Variants in OCIAD1 observed in about 807,000 individuals in gnomAD.
OCIAD1 encodes OCIA domain-containing protein 1.
Under a neutral mutation model 38.9 loss-of-function variants are expected in OCIAD1, and 29 were observed. The observed-to-expected ratio is 0.74, with a 90% CI of 0.55 to 1.02. The LOEUF is 1.02. OCIAD1 is among the 50% of genes least tolerant of loss of function. The pLI, the probability that OCIAD1 is intolerant of heterozygous loss-of-function variation, is 0.00. For missense variants in OCIAD1, 288 were observed against 289.6 expected (o/e 0.99, Z 0.04); for synonymous variants, 110 against 92.0 (o/e 1.20, Z -1.12).
chr4:48,816,307 C>T (rs935709776), intron 1 of OCIAD1, among the ~76,000 whole-genome samples: 16 of 152,114 alleles, frequency 1.1e-4, no homozygotes, highest in African/African-American at 2.7e-4. Context: ...ATCTATATAG[C>T]GCTTAGTTGA....
chr4:48,821,850 C>T (rs1189071212), intron 1 of OCIAD1, among the ~76,000 whole-genome samples: 3 of 152,072 alleles, frequency 2.0e-5, no homozygotes, highest in African/African-American at 4.8e-5. Flanking sequence ...ATGTGAAGGA[C>T]CTCTTCAAGG....
At chr4:48,847,950 T>A (rs916215294) in intron 4 of OCIAD1, among the ~76,000 whole-genome samples, 4 of 152,198 alleles carry the variant, frequency 2.6e-5, no homozygotes, top group Admixed American at 2.0e-4. Flanking sequence ...AGAATTGCCA[T>A]CTTTAGAATA....
At chr4:48,859,690 G>A (rs2109636202) in intron 8 of OCIAD1, among the ~76,000 whole-genome samples, 1 of 152,278 alleles carries the variant, frequency 6.6e-6, no homozygotes, top group Admixed American at 6.5e-5. Context: ...GACTTGTTAT[G>A]AAATAGTTTC....
Position 48,813,816 on chromosome 4 carries a change from C to G in OCIAD1, c.-103+8486C>G, listed in dbSNP as rs112405239. Reference sequence around the variant, plus strand: ...TTTAAAAACTTTTTTTCATGTGACACTTTTTCTTAAGAGGAGCTCGTGAAT... The same window carrying G: ...TTTAAAAACTTTTTTTCATGTGACAGTTTTTCTTAAGAGGAGCTCGTGAAT... On this transcript the variant is annotated intron_variant, in intron 1 of 6. Transcript: ENST00000504654. Among the ~76,000 whole-genome samples, 1,008 of 152,240 alleles carry G rather than the reference C, an allele frequency of 6.6e-3. 7 individuals carry two copies. The highest frequency in any genetic ancestry group is 0.012 in the Non-Finnish European group (787 of 68,010).
intron 1 of OCIAD1, among the ~76,000 whole-genome samples, chr4:48,815,853 T>C (rs564716636): frequency 6.6e-6 from 1 of 152,328 alleles, no homozygotes; most frequent in African/African-American, 2.4e-5. Flanking sequence ...TTCCACCATC[T>C]AGTCAACATC....
chr4:48,820,698 A>G (rs1223327649), intron 1 of OCIAD1, among the ~76,000 whole-genome samples: 1 of 152,188 alleles, frequency 6.6e-6, no homozygotes, highest in Non-Finnish European at 1.5e-5. Flanking sequence ...TAGACACAAT[A>G]AAAAATGATA....
chr4:48,832,880 T>G (rs1777645186), intron 2 of OCIAD1, 198 bp downstream of exon 2: 6 of 567,702 alleles, frequency 1.1e-5, no homozygotes, highest in South Asian at 1.0e-4. Context: ...TATTTTGCAC[T>G]GGGCCCAGCA....
chr4:48,805,347 C>T (rs776415469), intron 1 of OCIAD1: 1 of 152,154 alleles, frequency 6.6e-6, no homozygotes, highest in Non-Finnish European at 1.5e-5. Context: ...GACCCTGAGC[C>T]GAACCACACA....
intron 4 of OCIAD1, among the ~76,000 whole-genome samples, chr4:48,845,805 A>G (rs1226861889): frequency 2.0e-5 from 3 of 152,216 alleles, no homozygotes; most frequent in Admixed American, 2.0e-4. Flanking sequence ...GCCTTGTCCA[A>G]TTAATGTCTT....
At chr4:48,855,276 T>C (rs1779921266) in intron 7 of OCIAD1, among the ~76,000 whole-genome samples, 1 of 152,208 alleles carries the variant, frequency 6.6e-6, no homozygotes, top group Non-Finnish European at 1.5e-5. Context: ...GTACACACGA[T>C]TTCCTTCAGA....
Position 48,849,972 on chromosome 4 carries a change from T to C in OCIAD1, c.267T>C (p.Ala89=). Reference sequence around the variant, plus strand: ...TTGCTTGTATCATGGGATACTTTGCTGGAAAACTTTCTTATGTGAAAACTT... The same window carrying C: ...TTGCTTGTATCATGGGATACTTTGCCGGAAAACTTTCTTATGTGAAAACTT... ...LILACIMGYF[A]GKLSYVKTCQ... is the part of the protein sequence containing the mutation. The change falls in exon 6 of 9, where the codon GCT becomes GCC. Residue 89 remains alanine, a synonymous_variant. Coordinates refer to ENST00000264312, the MANE Select transcript of OCIAD1 (RefSeq NM_017830.4). 6.2e-7 allele frequency: 1 copy of C among 1,611,002 alleles called. No individual in the cohort carries two copies.
At chr4:48,805,199 A>G (rs1299563373), upstream of OCIAD1, 2 of 152,216 alleles carry the variant, frequency 1.3e-5, no homozygotes, top group African/African-American at 4.8e-5. Context: ...AGGACACTCA[A>G]CCAGCACTAA....
intron 1 of OCIAD1, among the ~76,000 whole-genome samples, chr4:48,825,821 T>TTTTTCTTTCTTTC (rs1043702921): frequency 1.3e-5 from 2 of 150,342 alleles, no homozygotes; most frequent in African/African-American, 4.9e-5. Context: ...TCTTACTTTC[T>TTTTTCTTTCTTTC]TTTTCTTTCT....
chr4:48,840,833 CAAA>C (rs1233881090), intron 3 of OCIAD1, among the ~76,000 whole-genome samples: 2 of 46,394 alleles, frequency 4.3e-5, no homozygotes, highest in African/African-American at 7.8e-5. Flanking sequence ...CTCATCTCTA[CAAA>C]AAAAAAAAAA....
chr4:48,806,529 A>G (rs1292555859), intron 1 of OCIAD1, among the ~76,000 whole-genome samples: 1 of 152,202 alleles, frequency 6.6e-6, no homozygotes, highest in Non-Finnish European at 1.5e-5. Context: ...CCACAGATAC[A>G]CAGAATAAGA....
intron 8 of OCIAD1, among the ~76,000 whole-genome samples, chr4:48,857,903 C>T (rs189579651): frequency 2.0e-5 from 3 of 152,052 alleles, no homozygotes; most frequent in South Asian, 2.1e-4. Context: ...CCTGAAATCC[C>T]AGCACTTTGG....
At chr4:48,830,241 C>A (rs1777371067), upstream of OCIAD1, among the ~76,000 whole-genome samples, 1 of 152,148 alleles carries the variant, frequency 6.6e-6, no homozygotes, top group African/African-American at 2.4e-5. Context: ...GCGTTGGATT[C>A]GTTTCACGTG....
chr4:48,858,135 C>T (rs975698762), intron 8 of OCIAD1, among the ~76,000 whole-genome samples: 3 of 151,974 alleles, frequency 2.0e-5, no homozygotes, highest in Non-Finnish European at 2.9e-5. Context: ...GCCTGGATGA[C>T]GGAGCGAGGC....
intron 7 of OCIAD1, 173 bp from the exon 8 acceptor site, chr4:48,857,040 C>A: frequency 2.8e-6 from 1 of 355,006 alleles, no homozygotes; most frequent in Non-Finnish European, 5.2e-6. Context: ...AAGTAGATTT[C>A]AGTTTGATGA....
Sources: allele counts gnomAD v4.1 joint callset (sites outside exome capture counted in the v4.1 genomes callset), GRCh38; gene constraint gnomAD v4.1.1; transcripts MANE v1.5; gene names NCBI Gene and HGNC (gene_info 2026-07-23, HGNC 2026-07-21).